SERPINI1: variants seen among roughly 807,000 people sequenced by gnomAD.
The protein encoded by SERPINI1 is serpin family I member 1, also known as neuroserpin.
In SERPINI1, 19 loss-of-function variants were observed where a neutral mutation model predicts 41.1. The observed-to-expected ratio is 0.46, with a 90% CI of 0.32 to 0.68. The LOEUF (loss-of-function observed/expected upper bound fraction) is 0.68, where lower values mean the gene tolerates loss of function less well. SERPINI1 is among the 30% of genes least tolerant of loss of function. The pLI is 0.03. For missense variants in SERPINI1, 460 were observed against 479.2 expected (o/e 0.96, Z 0.37); for synonymous variants, 138 against 156.6 (o/e 0.88, Z 0.89).
intron 5 of SERPINI1, among the ~76,000 whole-genome samples, chr3:167,801,584 T>G (rs1727900487): frequency 6.7e-6 from 1 of 148,592 alleles, no homozygotes; most frequent in South Asian, 2.1e-4. Context: ...AGCTTCAGTT[T>G]AGCCTTCTGC....
chr3:167,788,019 C>CTTTT (rs1727371329), intron 1 of SERPINI1, among the ~76,000 whole-genome samples: 1 of 152,170 alleles, frequency 6.6e-6, no homozygotes. Context: ...AATGCATTTG[C>CTTTT]TCAATATCAC....
intron 1 of SERPINI1, among the ~76,000 whole-genome samples, chr3:167,771,876 G>A (rs1037054310): frequency 6.6e-5 from 10 of 152,208 alleles, no homozygotes; most frequent in Non-Finnish European, 1.5e-4. Flanking sequence ...TGCACACATG[G>A]AATTTAGCAG....
At chr3:167,820,250 G>C (rs375638588) in intron 6 of SERPINI1, among the ~76,000 whole-genome samples, 1 of 152,174 alleles carries the variant, frequency 6.6e-6, no homozygotes, top group East Asian at 1.9e-4. Context: ...CCATGACCCC[G>C]GCTACAGCAA....
intron 6 of SERPINI1, 182 bp from the exon 7 acceptor site, chr3:167,822,804 A>G: frequency 1.8e-6 from 1 of 541,120 alleles, no homozygotes; most frequent in Non-Finnish European, 3.3e-6. Flanking sequence ...AGAATATAAA[A>G]TGAGGGCAAA....
chr3:167,776,510 G>A (rs971295454), intron 1 of SERPINI1, among the ~76,000 whole-genome samples: 9 of 152,146 alleles, frequency 5.9e-5, no homozygotes, highest in African/African-American at 1.9e-4. Context: ...ACGGAATTTG[G>A]TTTTAAATAA....
chr3:167,753,645 T>A (rs1177718204), intron 1 of SERPINI1, among the ~76,000 whole-genome samples: 1 of 152,172 alleles, frequency 6.6e-6, no homozygotes, highest in Non-Finnish European at 1.5e-5. Flanking sequence ...TTATACTTCA[T>A]GTCCAGTGCC....
At chr3:167,824,683 T>C (rs1712455663) in intron 8 of SERPINI1, 121 bp downstream of exon 8, 1 of 643,754 alleles carries the variant, frequency 1.6e-6, no homozygotes, top group Admixed American at 2.7e-5. Context: ...ATTTATTTAT[T>C]CTCTTTCCAG....
intron 1 of SERPINI1, among the ~76,000 whole-genome samples, chr3:167,758,084 A>G (rs1726247455): frequency 6.6e-6 from 1 of 152,144 alleles, no homozygotes; most frequent in Admixed American, 6.5e-5. Context: ...CTTTACACGG[A>G]TTCATATTTT....
chr3:167,825,202 T>C (rs1712475589), intron 8 of SERPINI1, 45 bp from the exon 9 acceptor site: 1 of 1,153,150 alleles, frequency 8.7e-7, no homozygotes, highest in East Asian at 2.3e-5. Context: ...AAATATTTTA[T>C]TATTTTGTTC....
Position 167,751,244 on chromosome 3 carries a change from A to G in SERPINI1, c.-19+15421A>G, listed in dbSNP as rs1306157758. Among the ~76,000 whole-genome samples the G allele has an allele frequency of 2.0e-5, 3 of 152,270 alleles. No individual in the cohort carries two copies. In the East Asian group the frequency reaches 5.8e-4, roughly 29 times the overall value. On this transcript the variant is annotated intron_variant, in intron 1 of 8. Transcript: ENST00000446050. ...ACTCCTCTATTCTCCATTATACTGG[A>G]CCAATTCACACATTTATATTATCTG...
chr3:167,743,782 A>G (rs1725755541), intron 1 of SERPINI1, among the ~76,000 whole-genome samples: 1 of 152,148 alleles, frequency 6.6e-6, no homozygotes, highest in Non-Finnish European at 1.5e-5. Flanking sequence ...ACTTAAGGCT[A>G]TGATATTACA....
At position 167,794,799 on chromosome 3, in the gene SERPINI1, CA is replaced by C. The variant is rs777073919; in HGVS notation, c.861del (p.Val288Ter). On this transcript the variant is annotated frameshift_variant, in exon 5 of 9. Transcript: ENST00000446050. LOFTEE classifies it high-confidence loss of function. ...VEEWANSVKK[Q>X]KVEVYLPRFT... ...AGAATGGGCAAACTCTGTGAAGAAG[CA>C]AAAAGTAGAAGTATACCTGCCCAGG... 1 of 1,613,334 alleles carries C rather than the reference CA, an allele frequency of 6.2e-7. No individual in the cohort carries two copies.
rs553347380 is a variant in SERPINI1 at position 167,747,599 on chromosome 3, T to C, written c.-19+11776T>C. Among the ~76,000 whole-genome samples the C allele has an allele frequency of 2.9e-3, 434 of 152,186 alleles. 1 individual carries two copies. The highest frequency in any genetic ancestry group is 1.0e-2 in the African/African-American group (415 of 41,526). On this transcript the variant is annotated intron_variant, in intron 1 of 8. Coordinates refer to ENST00000446050, the MANE Select transcript of SERPINI1 (RefSeq NM_001122752.2). ...GCGGAACTTGCAGTGAGCCGAGATC[T>C]TGCCACTGCACTCCAGCCTGGGCGA...
At chr3:167,760,908 T>G (rs1341364281) in intron 1 of SERPINI1, among the ~76,000 whole-genome samples, 3 of 152,204 alleles carry the variant, frequency 2.0e-5, no homozygotes, top group Admixed American at 2.0e-4. Context: ...GTGGGTAGTT[T>G]TGGATCTTGA....
Position 167,793,596 on chromosome 3 carries a change from A to ATATTTT in SERPINI1, c.676+813_676+814insATTTTT. Among the ~76,000 whole-genome samples the ATATTTT allele has an allele frequency of 3.7e-3, 522 of 140,588 alleles. 5 individuals are homozygous for ATATTTT. The highest frequency in any genetic ancestry group is 0.014 in the Middle Eastern group (4 of 282). The allele number at this position is 140,588 out of a possible 152,430, so 92.2% of individuals were successfully genotyped here. A position where few individuals can be genotyped will look rare whatever the true frequency, so the allele number is the denominator to read the frequency against. The stretch of plus-strand genomic sequence containing the variant: ...TACAAATATATATATATATATATAT[A>ATATTTT]TTTTTAATTAGCTAGGCATAATGGT... On this transcript the variant is annotated intron_variant, in intron 4 of 8. Transcript: ENST00000446050.
intron 1 of SERPINI1, among the ~76,000 whole-genome samples, chr3:167,774,444 T>A (rs192366355): frequency 6.6e-6 from 1 of 152,272 alleles, no homozygotes; most frequent in African/African-American, 2.4e-5. Flanking sequence ...AAAGTGAACC[T>A]ATACATTTCA....
chr3:167,772,983 T>TATATGTATAC (rs1430088657), intron 1 of SERPINI1, among the ~76,000 whole-genome samples: 11 of 147,202 alleles, frequency 7.5e-5, no homozygotes, highest in Non-Finnish European at 1.2e-4. Context: ...TATATGTATA[T>TATATGTATAC]ATATATATTT....
chr3:167,815,453 A>C (rs1712047406), intron 6 of SERPINI1, among the ~76,000 whole-genome samples: 1 of 151,190 alleles, frequency 6.6e-6, no homozygotes, highest in South Asian at 2.1e-4. Flanking sequence ...GCAGTGGCAC[A>C]ATCTTGGCTC....
chr3:167,824,459 T>C lies in SERPINI1; in HGVS notation c.1067-14T>C, dbSNP rs748055404. 2.5e-6 allele frequency: 4 copies of C among 1,602,082 alleles called. No homozygotes were observed. In the Admixed American group the frequency reaches 6.7e-5, roughly 27 times the overall value. On this transcript the variant is annotated splice_polypyrimidine_tract_variant and intron_variant, in intron 7 of 8. Coordinates refer to ENST00000446050, the MANE Select transcript of SERPINI1 (RefSeq NM_001122752.2). ...CATCCACAGACATATAATTACTTTT[T>C]ATCTGCACTGTAGGAATGATTGCAA...
Sources: gnomAD v4.1 joint callset for allele counts (sites outside exome capture counted in the v4.1 genomes callset) on GRCh38, gnomAD v4.1.1 for gene constraint, MANE v1.5 for transcripts, NCBI Gene and HGNC (gene_info 2026-07-23, HGNC 2026-07-21) for gene names.